The following CTDSPL2 variants were observed in gnomAD, a reference collection of about 807,000 sequenced individuals.
CTDSPL2 encodes the protein CTD small phosphatase-like protein 2.
In CTDSPL2, 5 loss-of-function variants were observed where a neutral mutation model predicts 60.0. The observed-to-expected ratio is 0.08, with a 90% CI of 0.04 to 0.18. CTDSPL2 has a LOEUF of 0.18. Among genes scored for constraint, CTDSPL2 ranks in the 10% least tolerant of loss-of-function variants. The pLI is 1.00. For synonymous variants in CTDSPL2, 186 were observed against 189.3 expected (o/e 0.98, Z 0.14); for missense variants, 370 against 548.8 (o/e 0.67, Z 3.26).
intron 7 of CTDSPL2, among the ~76,000 whole-genome samples, chr15:44,498,524 G>A (rs1043323806): frequency 2.0e-5 from 3 of 151,928 alleles, no homozygotes; most frequent in Admixed American, 6.6e-5. Flanking sequence ...AGTTTGAGGC[G>A]GCAGTGAGCT....
At chr15:44,519,106 G>A in intron 10 of CTDSPL2, 63 bp from the exon 11 acceptor site, 1 of 1,108,420 alleles carries the variant, frequency 9.0e-7, no homozygotes, top group Non-Finnish European at 1.2e-6. Flanking sequence ...GTATATATAT[G>A]TGTATATGTT....
intron 3 of CTDSPL2, among the ~76,000 whole-genome samples, 177 bp downstream of exon 3, chr15:44,484,539 A>G (rs996894888): frequency 2.6e-5 from 4 of 152,218 alleles, no homozygotes; most frequent in African/African-American, 9.6e-5. Flanking sequence ...ATTTGAGACC[A>G]GCCTGGCCAA....
At chr15:44,468,892 G>C (rs1245796955) in intron 2 of CTDSPL2, among the ~76,000 whole-genome samples, 1 of 151,960 alleles carries the variant, frequency 6.6e-6, no homozygotes, top group African/African-American at 2.4e-5. Flanking sequence ...ATCACAACTG[G>C]GACATTAATC....
intron 2 of CTDSPL2, among the ~76,000 whole-genome samples, chr15:44,464,748 C>T (rs978336420): frequency 6.6e-6 from 1 of 152,118 alleles, no homozygotes; most frequent in Non-Finnish European, 1.5e-5. Flanking sequence ...TCTCTGTCGC[C>T]CAGGCTGGAA....
At chr15:44,507,798 C>T (rs182456883) in intron 8 of CTDSPL2, among the ~76,000 whole-genome samples, 1 of 152,336 alleles carries the variant, frequency 6.6e-6, no homozygotes, top group Admixed American at 6.5e-5. Flanking sequence ...TCCAGCTCTT[C>T]TTGTGACTGA....
chr15:44,461,573 C>CTTTTT (rs35540014), intron 2 of CTDSPL2, among the ~76,000 whole-genome samples: 1 of 125,656 alleles, frequency 8.0e-6, no homozygotes, highest in Admixed American at 8.1e-5. Flanking sequence ...GTTTCTCTCC[C>CTTTTT]TTTTTTTTTT....
At chr15:44,477,090 G>A (rs765261682) in intron 2 of CTDSPL2, among the ~76,000 whole-genome samples, 24 of 152,328 alleles carry the variant, frequency 1.6e-4, no homozygotes, top group African/African-American at 2.4e-4. Flanking sequence ...TTAGTCAAGC[G>A]TGGTGCTGCA....
intron 2 of CTDSPL2, among the ~76,000 whole-genome samples, chr15:44,479,172 A>C (rs1039918992): frequency 2.0e-5 from 3 of 151,920 alleles, no homozygotes; most frequent in African/African-American, 7.3e-5. Context: ...GGATTGCTTG[A>C]ACCTGGGAAT....
chr15:44,463,189 T>C (rs2080611159), intron 2 of CTDSPL2, among the ~76,000 whole-genome samples: 1 of 152,212 alleles, frequency 6.6e-6, no homozygotes, highest in Non-Finnish European at 1.5e-5. Flanking sequence ...TCGCCCAGGT[T>C]GGAATGCAGT....
At chr15:44,442,055 T>C (rs1383071071) in intron 1 of CTDSPL2, among the ~76,000 whole-genome samples, 1 of 152,218 alleles carries the variant, frequency 6.6e-6, no homozygotes, top group Non-Finnish European at 1.5e-5. Flanking sequence ...CAAAACTGTC[T>C]TGTGGTCAGC....
intron 8 of CTDSPL2, among the ~76,000 whole-genome samples, chr15:44,506,430 T>G (rs1380371351): frequency 3.4e-5 from 5 of 148,840 alleles, no homozygotes; most frequent in African/African-American, 5.0e-5. Flanking sequence ...TTTTTTTTTT[T>G]TTTGGAGGCA....
chr15:44,514,577 C>T, intron 8 of CTDSPL2, 21 bp from the exon 9 acceptor site: 1 of 1,496,378 alleles, frequency 6.7e-7, no homozygotes, highest in Non-Finnish European at 9.3e-7. Context: ...TTTGCTGAAA[C>T]TTATCTTTGT....
chr15:44,517,580 A>T (rs912897215), intron 10 of CTDSPL2: 2 of 152,170 alleles, frequency 1.3e-5, no homozygotes, highest in Non-Finnish European at 2.9e-5. Flanking sequence ...CTCTTTGATG[A>T]CTGGTACAAA....
chr15:44,459,633 T>G (rs1336470042), intron 2 of CTDSPL2, among the ~76,000 whole-genome samples: 3 of 152,184 alleles, frequency 2.0e-5, no homozygotes, highest in Non-Finnish European at 4.4e-5. Flanking sequence ...TCTAAGAGTT[T>G]TACATGCAGA....
In CTDSPL2 at chr15:44,427,735, G is replaced by T; in HGVS notation, c.-62G>T. ...CACACATTGCGCAGTCGGGACCATC[G>T]CCGGAGCCTGAGGACACTTCTCTGT... On this transcript the variant is annotated 5_prime_UTR_variant, in exon 1 of 13. Transcript: ENST00000260327. The T allele has an allele frequency of 2.5e-6, 1 of 399,252 alleles. No individual in the cohort carries two copies. Among genetic ancestry groups the T allele is most frequent in the Non-Finnish European group, 4.4e-6 (1 of 226,242 alleles). The allele number at this position is 399,252 out of a possible 1,614,324, so 24.7% of individuals were successfully genotyped here.
At chr15:44,515,294 A>T (rs1477136579) in intron 10 of CTDSPL2, among the ~76,000 whole-genome samples, 1 of 152,168 alleles carries the variant, frequency 6.6e-6, no homozygotes. Context: ...ATGGAAAGAA[A>T]ATGTTACATG....
At chr15:44,451,121 G>A (rs2141322874) in intron 1 of CTDSPL2, among the ~76,000 whole-genome samples, 1 of 152,038 alleles carries the variant, frequency 6.6e-6, no homozygotes, top group East Asian at 1.9e-4. Context: ...TTGTTTTGGA[G>A]ACAGAGTCTC....
Position 44,527,841 on chromosome 15 carries a change from T to C in CTDSPL2, c.*3667T>C, listed in dbSNP as rs960508839. 3 of 152,204 alleles carry C rather than the reference T, an allele frequency of 2.0e-5. No individual in the cohort carries two copies. The highest frequency in any genetic ancestry group is 4.8e-5 in the African/African-American group (2 of 41,464). The allele number at this position is 152,204 out of a possible 1,614,324, so 9.4% of individuals were successfully genotyped here. ...GGGTTGTCATTCATTGACTTTCTTA[T>C]TCCTCTCATGAGCTATAATTGAGTA... On this transcript the variant is annotated 3_prime_UTR_variant, in exon 13 of 13. Transcript: ENST00000260327.
At chr15:44,473,447 C>A (rs1262336315) in intron 2 of CTDSPL2, among the ~76,000 whole-genome samples, 2 of 152,166 alleles carry the variant, frequency 1.3e-5, no homozygotes. Flanking sequence ...AGGCGCCCGC[C>A]ACCACGCCCA....
Sources: allele counts gnomAD v4.1 joint callset (sites outside exome capture counted in the v4.1 genomes callset), GRCh38; gene constraint gnomAD v4.1.1; transcripts MANE v1.5; gene names NCBI Gene and HGNC (gene_info 2026-07-23, HGNC 2026-07-21).